The following LMF1 variants were observed in gnomAD, a reference collection of about 807,000 sequenced individuals.
LMF1 encodes the protein transmembrane protein 112.
In LMF1, 68 loss-of-function variants were observed where a neutral mutation model predicts 60.6. That is an observed-to-expected ratio of 1.12 (90% CI 0.92 to 1.37). The LOEUF (loss-of-function observed/expected upper bound fraction) is 1.37, where lower values mean the gene tolerates loss of function less well. Ranked by LOEUF, LMF1 falls within the 40% of genes most tolerant of loss-of-function variation. LMF1 has a pLI of 0.00. For missense variants in LMF1, 948 were observed against 767.2 expected (o/e 1.24, Z -2.78); for synonymous variants, 418 against 324.7 (o/e 1.29, Z -3.09).
chr16:879,541 A>T, intron 6 of LMF1, 29 bp downstream of exon 6: 1 of 1,608,566 alleles, frequency 6.2e-7, no homozygotes, highest in Non-Finnish European at 8.5e-7. Context: ...CTCTGTGGAC[A>T]CGGGGCAGGG....
intron 2 of LMF1, among the ~76,000 whole-genome samples, chr16:941,406 G>A (rs12596267): frequency 0.012 from 1,858 of 152,180 alleles, 24 homozygotes; most frequent in South Asian, 0.097. Context: ...TTTTAGTAAA[G>A]ATGAGGCTTC....
At chr16:974,975 G>A (rs1490644916), upstream of LMF1, among the ~76,000 whole-genome samples, 3 of 152,220 alleles carry the variant, frequency 2.0e-5, no homozygotes, top group African/African-American at 7.2e-5. Flanking sequence ...CTGGAAGGGT[G>A]GTCAGTTTGG....
chr16:898,692 G>A lies in LMF1; in HGVS notation c.664-5620C>T, dbSNP rs1198708358. 4.6e-5 allele frequency among the ~76,000 whole-genome samples: 7 copies of A among 152,216 alleles called. No individual in the cohort carries two copies. In the South Asian group the frequency reaches 6.2e-4, roughly 13 times the overall value. The stretch of plus-strand genomic sequence containing the variant: ...ATTAAGAGGAGGGCAGTTCATCTCC[G>A]AAGCACAGGTCTGCTGTAGACTCTC... On this transcript the variant is annotated intron_variant, in intron 4 of 10. Transcript: ENST00000262301.
At chr16:894,835 C>T (rs899484121) in intron 4 of LMF1, among the ~76,000 whole-genome samples, 5 of 152,218 alleles carry the variant, frequency 3.3e-5, no homozygotes, top group African/African-American at 1.2e-4. Context: ...GGGCCTGGCT[C>T]CTGGTACCAT....
intron 3 of LMF1, among the ~76,000 whole-genome samples, chr16:912,254 A>G (rs940060232): frequency 8.5e-5 from 13 of 152,052 alleles, no homozygotes; most frequent in African/African-American, 3.1e-4. Flanking sequence ...CACACCACAG[A>G]GCAGATGGGA....
intron 3 of LMF1, among the ~76,000 whole-genome samples, chr16:920,110 C>G (rs1453460127): frequency 6.6e-6 from 1 of 152,152 alleles, no homozygotes; most frequent in Non-Finnish European, 1.5e-5. Flanking sequence ...AGGACATCCA[C>G]ACCAGCCCTG....
intron 3 of LMF1, among the ~76,000 whole-genome samples, chr16:920,655 G>A (rs530855158): frequency 4.6e-5 from 7 of 152,358 alleles, no homozygotes; most frequent in Non-Finnish European, 8.8e-5. Flanking sequence ...AGCCACAGGA[G>A]AGGAGAAAGA....
At chr16:965,822 C>T (rs770098831) in intron 1 of LMF1, among the ~76,000 whole-genome samples, 223 of 152,064 alleles carry the variant, frequency 1.5e-3, no homozygotes, top group Non-Finnish European at 2.8e-3. Flanking sequence ...GGAAAAGTGT[C>T]CCATGCTGAC....
chr16:954,031 A>C (rs77670848), intron 2 of LMF1, among the ~76,000 whole-genome samples: 11,424 of 29,706 alleles, frequency 0.38, 3,646 homozygotes, highest in East Asian at 0.67. Context: ...ACCCACCCCA[A>C]ACCAGCCTCC....
At position 854,819 on chromosome 16, in the gene LMF1, G is replaced by A. The variant is rs1015677282; in HGVS notation, c.1530-113C>T. 22 of 985,280 alleles carry A rather than the reference G, an allele frequency of 2.2e-5. No homozygotes were observed. The Admixed American group carries it at 3.0e-4, about 13-fold the overall frequency. The allele number at this position is 985,280 out of a possible 1,614,324, so 61.0% of individuals were successfully genotyped here. A position where few individuals can be genotyped will look rare whatever the true frequency, so the allele number is the denominator to read the frequency against. ...TCACAGGGTCCCCCACGGACAGAGG[G>A]GCTGCATGAGGAGCCCCCACCCTGA... On this transcript the variant is annotated intron_variant, in intron 10 of 10. Coordinates refer to ENST00000262301, the MANE Select transcript of LMF1 (RefSeq NM_022773.4).
intron 10 of LMF1, among the ~76,000 whole-genome samples, chr16:865,197 AC>A (rs781091377): frequency 6.6e-6 from 1 of 152,110 alleles, no homozygotes; most frequent in African/African-American, 2.4e-5. Context: ...TAGAAACCTC[AC>A]CTCTATGTCC....
chr16:932,218 C>A (rs529968290), intron 3 of LMF1, among the ~76,000 whole-genome samples: 1 of 152,332 alleles, frequency 6.6e-6, no homozygotes, highest in South Asian at 2.1e-4. Context: ...CCCAGGAGGC[C>A]TCACAGGCGG....
intron 2 of LMF1, among the ~76,000 whole-genome samples, chr16:937,593 G>C (rs1337587658): frequency 1.3e-5 from 2 of 152,148 alleles, no homozygotes; most frequent in Non-Finnish European, 1.5e-5. Context: ...CAAGACCCCC[G>C]ATGCCCTGCA....
At chr16:944,216 C>T (rs1157370638) in intron 2 of LMF1, among the ~76,000 whole-genome samples, 1 of 151,944 alleles carries the variant, frequency 6.6e-6, no homozygotes, top group East Asian at 1.9e-4. Context: ...GACCCTCAGA[C>T]TCACCACTAA....
intron 1 of LMF1, chr16:981,040 C>T (rs879728349): frequency 1.3e-4 from 29 of 223,056 alleles, no homozygotes; most frequent in East Asian, 5.6e-4. Context: ...AGCTGGCCGG[C>T]CCCCGGGACC....
intron 3 of LMF1, among the ~76,000 whole-genome samples, chr16:914,636 A>ATTCC (rs1352320536): frequency 0.086 from 126 of 1,464 alleles, no homozygotes; most frequent in South Asian, 0.17. Flanking sequence ...TTGGTGACAC[A>ATTCC]CTCCCTCCCT....
chr16:925,913 G>A (rs751942517), intron 3 of LMF1, among the ~76,000 whole-genome samples: 3 of 152,240 alleles, frequency 2.0e-5, no homozygotes, highest in African/African-American at 4.8e-5. Context: ...CTGTGTGCAT[G>A]TGCACGTGTT....
intron 1 of LMF1, among the ~76,000 whole-genome samples, chr16:977,734 G>T (rs2073191662): frequency 6.6e-6 from 1 of 151,998 alleles, no homozygotes. Flanking sequence ...CACAGGGAAG[G>T]ACGGAGAGGG....
chr16:905,736 T>C (rs544359927), intron 4 of LMF1, among the ~76,000 whole-genome samples: 1 of 151,326 alleles, frequency 6.6e-6, no homozygotes, highest in African/African-American at 2.4e-5. Context: ...TGGTGTCTTT[T>C]GAAGAACAGA....
Sources: gnomAD v4.1 joint callset for allele counts (sites outside exome capture counted in the v4.1 genomes callset) on GRCh38, gnomAD v4.1.1 for gene constraint, MANE v1.5 for transcripts, NCBI Gene and HGNC (gene_info 2026-07-23, HGNC 2026-07-21) for gene names.